The following LHFPL6 variants were observed in gnomAD, a reference collection of about 807,000 sequenced individuals.
The protein encoded by LHFPL6 is LHFPL tetraspan subfamily member 6 protein.
In LHFPL6, 9 loss-of-function variants were observed where a neutral mutation model predicts 20.6. The ratio of observed to expected loss-of-function variants is 0.44; its 90% CI spans 0.26 to 0.76. The LOEUF is 0.76. Ranked by LOEUF, LHFPL6 falls within the 30% of genes least tolerant of loss-of-function variation. The probability of loss-of-function intolerance (pLI) is 0.20; values close to 1 mark genes in which losing one functional copy is unlikely to be tolerated. For synonymous variants in LHFPL6, 105 were observed against 98.7 expected, an observed-to-expected ratio of 1.06 and a Z score of -0.38; for missense variants, 218 against 253.5, an observed-to-expected ratio of 0.86 and a Z score of 0.95.
intron 2 of LHFPL6, among the ~76,000 whole-genome samples, chr13:39,453,382 C>T (rs4456371): frequency 0.55 from 83,640 of 151,628 alleles, 24,222 homozygotes; most frequent in East Asian, 0.9. Context: ...AGTATTTCTA[C>T]TGTGAGTAGC....
chr13:39,551,855 T>C (rs532414281), intron 2 of LHFPL6, among the ~76,000 whole-genome samples: 14 of 150,720 alleles, frequency 9.3e-5, no homozygotes, highest in African/African-American at 2.9e-4. Context: ...TTTCGACATC[T>C]GAAAGAATGT....
intron 2 of LHFPL6, among the ~76,000 whole-genome samples, chr13:39,423,894 C>G (rs1323173566): frequency 1.3e-5 from 2 of 152,064 alleles, no homozygotes; most frequent in African/African-American, 4.8e-5. Flanking sequence ...CATGCTCACT[C>G]TGGTTAGAAT....
At chr13:39,473,231 T>C (rs897709858) in intron 2 of LHFPL6, among the ~76,000 whole-genome samples, 1 of 151,508 alleles carries the variant, frequency 6.6e-6, no homozygotes, top group Non-Finnish European at 1.5e-5. Context: ...CAGCCACCTT[T>C]TGATGCCGCC....
At chr13:39,381,769 T>C (rs1870440986) in intron 2 of LHFPL6, among the ~76,000 whole-genome samples, 1 of 149,886 alleles carries the variant, frequency 6.7e-6, no homozygotes, top group Non-Finnish European at 1.5e-5. Flanking sequence ...GCCTTCAGAA[T>C]CATGGCAGAT....
Position 39,361,751 on chromosome 13 carries a change from C to T in LHFPL6, c.484+16677G>A, listed in dbSNP as rs147615986. Among the ~76,000 whole-genome samples the T allele has an allele frequency of 2.1e-3, 324 of 152,284 alleles. 3 individuals are homozygous for T. Among genetic ancestry groups the T allele is most frequent in the African/African-American group, 7.5e-3 (310 of 41,558 alleles). Reference sequence around the variant, plus strand: ...AGTTCCATTTCTTTTATTAATAATTCTGTATGTAAAATATATCGGTATAAG... The same window carrying T: ...AGTTCCATTTCTTTTATTAATAATTTTGTATGTAAAATATATCGGTATAAG... On this transcript the variant is annotated intron_variant, in intron 3 of 3. Transcript: ENST00000379589.
chr13:39,521,081 A>G (rs4941932), intron 2 of LHFPL6, among the ~76,000 whole-genome samples: 110,675 of 152,014 alleles, frequency 0.73, 40,807 homozygotes, highest in Middle Eastern at 0.81. Flanking sequence ...TACTTGGACA[A>G]CAATTATTCT....
At position 39,383,171 on chromosome 13, in the gene LHFPL6, C is replaced by A. The variant is rs114402794; in HGVS notation, c.386-4645G>T. On this transcript the variant is annotated intron_variant, in intron 2 of 3. Coordinates refer to ENST00000379589, the MANE Select transcript of LHFPL6 (RefSeq NM_005780.3). ...CTGTAAGCTCAGTGAAATCCAGTGA[C>A]CTGCCCCCCTGCCCAACACAACTCC... Among the ~76,000 whole-genome samples, 1,514 of 152,282 alleles carry A rather than the reference C, an allele frequency of 9.9e-3. 21 individuals are homozygous for A. Among genetic ancestry groups the A allele is most frequent in the African/African-American group, 0.034 (1,405 of 41,556 alleles).
At chr13:39,394,546 T>TA (rs1870796021) in intron 2 of LHFPL6, among the ~76,000 whole-genome samples, 1 of 152,204 alleles carries the variant, frequency 6.6e-6, no homozygotes, top group Non-Finnish European at 1.5e-5. Flanking sequence ...ACTCATACCT[T>TA]AAGTCAGTAC....
At chr13:39,543,049 A>G (rs1870861803) in intron 2 of LHFPL6, among the ~76,000 whole-genome samples, 2 of 152,148 alleles carry the variant, frequency 1.3e-5, no homozygotes, top group South Asian at 2.1e-4. Flanking sequence ...GGTAAGCACC[A>G]TTCTCCTTTC....
intron 3 of LHFPL6, among the ~76,000 whole-genome samples, chr13:39,352,097 C>A (rs1869583776): frequency 6.6e-6 from 1 of 152,212 alleles, no homozygotes; most frequent in Admixed American, 6.5e-5. Context: ...GCCCCAATTC[C>A]TGAGGCAATG....
intron 2 of LHFPL6, among the ~76,000 whole-genome samples, chr13:39,594,548 C>A (rs986148540): frequency 2.0e-5 from 3 of 152,124 alleles, no homozygotes; most frequent in Admixed American, 6.6e-5. Context: ...CCATTGTGGA[C>A]GTCGGTGTGG....
intron 2 of LHFPL6, among the ~76,000 whole-genome samples, chr13:39,588,079 G>A (rs1000471173): frequency 5.9e-5 from 9 of 152,036 alleles, no homozygotes; most frequent in African/African-American, 1.7e-4. Context: ...GGGAAAGGTC[G>A]GGATGGAAAA....
At chr13:39,388,958 C>T (rs747190744) in intron 2 of LHFPL6, among the ~76,000 whole-genome samples, 14 of 152,178 alleles carry the variant, frequency 9.2e-5, no homozygotes, top group Non-Finnish European at 1.9e-4. Context: ...CGATTGCACT[C>T]ATTGTGCGAT....
chr13:39,403,560 A>T (rs996347088), intron 2 of LHFPL6, among the ~76,000 whole-genome samples: 3 of 152,236 alleles, frequency 2.0e-5, no homozygotes, highest in Non-Finnish European at 4.4e-5. Flanking sequence ...GTGGCAAAGT[A>T]ACATTCAATC....
chr13:39,520,285 A>C (rs1870065783), intron 2 of LHFPL6, among the ~76,000 whole-genome samples: 1 of 152,216 alleles, frequency 6.6e-6, no homozygotes, highest in Non-Finnish European at 1.5e-5. Context: ...CAGCAGGTCA[A>C]GTCAACCAGC....
At chr13:39,483,236 T>A (rs1868597693) in intron 2 of LHFPL6, among the ~76,000 whole-genome samples, 1 of 152,156 alleles carries the variant, frequency 6.6e-6, no homozygotes, top group Non-Finnish European at 1.5e-5. Flanking sequence ...AGGAAAATTT[T>A]TTTGTGGCAC....
chr13:39,354,602 A>C (rs1228949644), intron 3 of LHFPL6, among the ~76,000 whole-genome samples: 1 of 152,210 alleles, frequency 6.6e-6, no homozygotes, highest in Non-Finnish European at 1.5e-5. Flanking sequence ...GTTCAACAAG[A>C]TTCAGCAGAA....
chr13:39,451,926 ATGTGTGTGTG>A (rs746664779), intron 2 of LHFPL6, among the ~76,000 whole-genome samples: 1 of 151,174 alleles, frequency 6.6e-6, no homozygotes, highest in African/African-American at 2.4e-5. Flanking sequence ...TACAGGAAAT[ATGTGTGTGTG>A]TGTGTGTGTG....
At chr13:39,563,973 A>G (rs1272839673) in intron 2 of LHFPL6, among the ~76,000 whole-genome samples, 1 of 152,166 alleles carries the variant, frequency 6.6e-6, no homozygotes, top group Admixed American at 6.5e-5. Flanking sequence ...CCCAAAGGTG[A>G]TAAAAATGGT....
Sources: allele counts gnomAD v4.1 joint callset (sites outside exome capture counted in the v4.1 genomes callset), GRCh38; gene constraint gnomAD v4.1.1; transcripts MANE v1.5; gene names NCBI Gene and HGNC (gene_info 2026-07-23, HGNC 2026-07-21).